MCPH1: variants seen among roughly 807,000 people sequenced by gnomAD.
MCPH1 encodes microcephalin.
MCPH1 carries 104 observed loss-of-function variants against 84.5 expected under a neutral mutation model. That is an observed-to-expected ratio of 1.23 (90% confidence interval 1.05 to 1.45). MCPH1 has a LOEUF of 1.45. MCPH1 is among the 40% of genes most tolerant of loss of function. The pLI is 0.00. For missense variants in MCPH1, 1,498 were observed against 1,005.7 expected, an observed-to-expected ratio of 1.49 and a Z score of -6.62; for synonymous variants, 514 against 366.8, an observed-to-expected ratio of 1.40 and a Z score of -4.58.
intron 3 of MCPH1, among the ~76,000 whole-genome samples, chr8:6,423,828 G>C (rs1800638808): frequency 6.6e-6 from 1 of 152,128 alleles, no homozygotes; most frequent in South Asian, 2.1e-4. Context: ...AAAAATGCAT[G>C]TTTCCCAATA....
At chr8:6,508,840 C>T (rs770081719) in intron 12 of MCPH1, 43 of 1,563,070 alleles carry the variant, frequency 2.8e-5, no homozygotes, top group Non-Finnish European at 3.6e-5. Flanking sequence ...GACATCGTTA[C>T]AAATCACAAT....
chr8:6,611,557 A>G (rs1018259467), intron 12 of MCPH1, among the ~76,000 whole-genome samples: 1 of 152,230 alleles, frequency 6.6e-6, no homozygotes, highest in African/African-American at 2.4e-5. Flanking sequence ...CTCAGGGGGC[A>G]TCACCTCCTG....
intron 9 of MCPH1, among the ~76,000 whole-genome samples, chr8:6,469,335 T>TAAA (rs1365619460): frequency 6.6e-6 from 1 of 152,222 alleles, no homozygotes; most frequent in South Asian, 2.1e-4. Context: ...GCTACTTGTT[T>TAAA]AAAGATCTGG....
At chr8:6,508,801 A>C in intron 12 of MCPH1, 1 of 1,282,128 alleles carries the variant, frequency 7.8e-7, no homozygotes, top group East Asian at 2.3e-5. Context: ...TACCTATATC[A>C]AGCTAGTGTG....
At chr8:6,442,288 C>G (rs780738249) in intron 7 of MCPH1, 132 bp downstream of exon 7, 238 of 657,080 alleles carry the variant, frequency 3.6e-4, no homozygotes, top group African/African-American at 7.3e-4. Context: ...TAAATTTCCC[C>G]CTGAAATTAG....
chr8:6,438,955 G>A lies in MCPH1; in HGVS notation c.439G>A (p.Asp147Asn). The A allele has an allele frequency of 6.2e-7, 1 of 1,611,728 alleles. No individual in the cohort carries two copies. The highest frequency in any genetic ancestry group is 1.1e-5 in the South Asian group (1 of 91,020). ...GTGGATTTTTTGTTTATTTTCAGAT[G>A]ATGATGTACCTATTCTCTTATTTGA... ...ELQRQKTNLD[D>N]DVPILLFESN... The change falls in exon 6 of 14, where the codon GAT (aspartate) becomes AAT (asparagine). Residue 147 changes from aspartate (D) to asparagine (N), a missense_variant and splice_region_variant. Coordinates refer to ENST00000344683, the MANE Select transcript of MCPH1 (RefSeq NM_024596.5).
intron 12 of MCPH1, among the ~76,000 whole-genome samples, chr8:6,524,369 C>T (rs1316752744): frequency 1.3e-5 from 2 of 152,184 alleles, no homozygotes; most frequent in African/African-American, 2.4e-5. Flanking sequence ...AGCTTTTCTG[C>T]GAAGGCATAT....
At chr8:6,514,729 C>T (rs201772772) in intron 12 of MCPH1, 32 of 1,614,068 alleles carry the variant, frequency 2.0e-5, no homozygotes, top group Non-Finnish European at 2.4e-5. Flanking sequence ...ATCCTCACGT[C>T]GCTGAATAAT....
chr8:6,494,074 G>C (rs1267593362), intron 11 of MCPH1: 1 of 152,148 alleles, frequency 6.6e-6, no homozygotes, highest in Non-Finnish European at 1.5e-5. Flanking sequence ...TTGAGTAGCT[G>C]GGATTACAGG....
intron 9 of MCPH1, among the ~76,000 whole-genome samples, chr8:6,475,145 CATG>C (rs1244123918): frequency 6.6e-6 from 1 of 152,232 alleles, no homozygotes; most frequent in Non-Finnish European, 1.5e-5. Flanking sequence ...AAGACCATCT[CATG>C]ATGGTTATCC....
chr8:6,427,254 G>A (rs1046772867), intron 3 of MCPH1, among the ~76,000 whole-genome samples: 6 of 152,236 alleles, frequency 3.9e-5, no homozygotes, highest in African/African-American at 1.4e-4. Context: ...CGTTGAGTGA[G>A]TGGTGAGCGA....
Position 6,455,161 on chromosome 8 carries a change from C to G in MCPH1, c.1844C>G (p.Thr615Arg), listed in dbSNP as rs369118888. 6 of 1,613,714 alleles carry G rather than the reference C, an allele frequency of 3.7e-6. No individual in the cohort carries two copies. The highest frequency in any genetic ancestry group is 1.3e-5 in the African/African-American group (1 of 74,868). The change falls in exon 9 of 14, where the codon ACA becomes AGA. Residue 615 changes from threonine to arginine, a missense_variant. Physicochemically the swap from Thr to Arg is moderately conservative, Grantham distance 71. Transcript: ENST00000344683. ...GYSGSVKNRP[T>R]RHDVLDDSCD... ...GTTTTAGGTGTTAAAAATAGACCAA[C>G]AAGGCATGATGTTTTAGATGACTCA...
intron 13 of MCPH1, among the ~76,000 whole-genome samples, chr8:6,632,658 A>T (rs1320862277): frequency 6.6e-6 from 1 of 151,982 alleles, no homozygotes; most frequent in African/African-American, 2.4e-5. Flanking sequence ...AAATACAAAA[A>T]ATTAGCCGGC....
At chr8:6,465,404 TC>T (rs1396996656) in intron 9 of MCPH1, among the ~76,000 whole-genome samples, 3 of 152,200 alleles carry the variant, frequency 2.0e-5, no homozygotes, top group Non-Finnish European at 2.9e-5. Context: ...CCACCCCATG[TC>T]CACCCCGTCC....
chr8:6,522,624 A>G (rs1009389364), intron 12 of MCPH1, among the ~76,000 whole-genome samples: 3 of 151,476 alleles, frequency 2.0e-5, no homozygotes, highest in Non-Finnish European at 4.4e-5. Context: ...AAATACAAAA[A>G]TTAGCCAAGC....
chr8:6,531,653 A>T (rs1337127767), intron 12 of MCPH1, among the ~76,000 whole-genome samples: 2 of 152,148 alleles, frequency 1.3e-5, no homozygotes, highest in African/African-American at 2.4e-5. Flanking sequence ...AGAATCTCAC[A>T]GTGGAAAGAG....
At chr8:6,440,334 A>T (rs1226550246) in intron 6 of MCPH1, among the ~76,000 whole-genome samples, 2 of 152,086 alleles carry the variant, frequency 1.3e-5, no homozygotes, top group African/African-American at 2.4e-5. Flanking sequence ...GCATGTGCCT[A>T]CGTGAATCCT....
intron 12 of MCPH1, chr8:6,520,043 G>C (rs373059384): frequency 6.3e-7 from 1 of 1,593,512 alleles, no homozygotes; most frequent in Admixed American, 1.7e-5. Context: ...AAAAGACAAA[G>C]ACTTGTTATT....
intron 13 of MCPH1, among the ~76,000 whole-genome samples, chr8:6,640,059 C>CT (rs571514899): frequency 3.7e-5 from 5 of 134,196 alleles, no homozygotes; most frequent in African/African-American, 5.6e-5. Context: ...ATTTTAAACT[C>CT]GTGTGTGTGT....
Sources: allele counts gnomAD v4.1 joint callset (sites outside exome capture counted in the v4.1 genomes callset), GRCh38; gene constraint gnomAD v4.1.1; transcripts MANE v1.5; gene names NCBI Gene and HGNC (gene_info 2026-07-23, HGNC 2026-07-21).